MUC22: variants seen among roughly 807,000 people sequenced by gnomAD.
MUC22 encodes mucin-22.
MUC22 carries 24 observed loss-of-function variants against 40.3 expected under a neutral mutation model. The ratio of observed to expected loss-of-function variants is 0.60; its 90% CI spans 0.43 to 0.84. The LOEUF is 0.84. MUC22 is among the 40% of genes least tolerant of loss of function. The probability of loss-of-function intolerance (pLI) is 0.00; values close to 1 mark genes in which losing one functional copy is unlikely to be tolerated. For synonymous variants in MUC22, 765 were observed against 844.5 expected (o/e 0.91, Z 1.63); for missense variants, 1,926 against 2,130.7 (o/e 0.90, Z 1.89).
chr6:31,034,106 A>G (rs1766274293), intron 3 of MUC22, among the ~76,000 whole-genome samples: 1 of 152,238 alleles, frequency 6.6e-6, no homozygotes, highest in Non-Finnish European at 1.5e-5. Flanking sequence ...GCCATATTAT[A>G]TTCATCTTAC....
Position 31,032,277 on chromosome 6 carries a change from C to T in MUC22, c.4751C>T (p.Ala1584Val). Residue 1584 changes from alanine to valine, a missense_variant, in exon 3 of 4, where the codon GCC becomes GTC. Ala to Val is a moderately conservative substitution (Grantham distance 64). Transcript: ENST00000561890. This position sits in a 1 kb window ranked among gnomAD's most constrained non-coding sequence, Gnocchi z 4.1. Reference sequence around the variant, plus strand: ...GGAATGGACTTCACGGCCTCTGCTGCCAGCCATACTGTGCCAGGAATAGTC... The same window carrying T: ...GGAATGGACTTCACGGCCTCTGCTGTCAGCCATACTGTGCCAGGAATAGTC... The T allele has an allele frequency of 1.3e-6, 2 of 1,535,696 alleles. No individual in the cohort carries two copies. The highest frequency in any genetic ancestry group is 8.7e-7 in the Non-Finnish European group (1 of 1,146,908).
At chr6:31,015,542 C>T (rs1357453600) in intron 1 of MUC22, among the ~76,000 whole-genome samples, 1 of 151,786 alleles carries the variant, frequency 6.6e-6, no homozygotes, top group Non-Finnish European at 1.5e-5. Flanking sequence ...GTCCATAGAC[C>T]TTATACATCT....
At chr6:31,028,368 C>T (rs1765636361) in exon 2 of MUC22, 1 of 1,529,258 alleles carries the variant, frequency 6.5e-7, no homozygotes, top group South Asian at 1.2e-5. Flanking sequence ...CAGCCTCCAT[C>T]ACAGGCTCTG....
At chr6:31,017,295 T>A (rs1465139529) in intron 1 of MUC22, among the ~76,000 whole-genome samples, 1 of 152,236 alleles carries the variant, frequency 6.6e-6, no homozygotes, top group Non-Finnish European at 1.5e-5. Context: ...AACCTTTATG[T>A]CTAGCTAAGG....
exon 1 of MUC22, chr6:31,010,618 G>T: frequency 1.4e-6 from 1 of 691,210 alleles, no homozygotes; most frequent in South Asian, 1.5e-5. Context: ...GGCCCAGGGG[G>T]TTTGCCCCTT....
chr6:31,013,200 C>T lies in MUC22; in HGVS notation c.70+2424C>T, dbSNP rs538772925. ...AGAGTGCAGTGCTGCAATCTCGGCT[C>T]ACTGCAACCTCTGCCTCCCAGGTTC... On this transcript the variant is annotated intron_variant, in intron 1 of 3. Transcript: ENST00000561890. Among the ~76,000 whole-genome samples the T allele has an allele frequency of 1.9e-3, 283 of 149,674 alleles. 1 individual carries two copies. The highest frequency in any genetic ancestry group is 6.2e-3 in the African/African-American group (254 of 40,758).
rs371128329 is a variant in MUC22 at position 31,013,403 on chromosome 6, G to C, written c.70+2627G>C. Among the ~76,000 whole-genome samples the C allele has an allele frequency of 3.2e-4, 49 of 151,208 alleles. No homozygotes were observed. In the South Asian group the frequency reaches 7.2e-3, roughly 22 times the overall value. On this transcript the variant is annotated intron_variant, in intron 1 of 3. Transcript: ENST00000561890. ...TGGCCTCCCAAAGTGCTGGGATTAC[G>C]GGTGTGAGCTACCGGGCCTGGCCCC...
At chr6:31,030,220 A>G in intron 2 of MUC22, 120 bp downstream of exon 2, 2 of 1,213,668 alleles carry the variant, frequency 1.6e-6, no homozygotes, top group South Asian at 1.6e-5. Flanking sequence ...ACAGTTAGAT[A>G]TAATTTCCTC....
intron 1 of MUC22, among the ~76,000 whole-genome samples, chr6:31,022,163 C>T (rs1158120554): frequency 6.6e-6 from 1 of 152,080 alleles, no homozygotes; most frequent in Non-Finnish European, 1.5e-5. Flanking sequence ...AGACATGCCA[C>T]CTTAAGAGCT....
intron 1 of MUC22, among the ~76,000 whole-genome samples, chr6:31,025,107 G>C (rs111493243): frequency 1.7e-5 from 2 of 118,768 alleles, no homozygotes; most frequent in African/African-American, 6.6e-5. Flanking sequence ...GGCCTCAGGT[G>C]ATCCGCCTGG....
At chr6:31,012,772 T>C (rs2150743080) in intron 1 of MUC22, among the ~76,000 whole-genome samples, 1 of 152,250 alleles carries the variant, frequency 6.6e-6, no homozygotes, top group Non-Finnish European at 1.5e-5. Flanking sequence ...AACTCCTCCA[T>C]CTGAATGCTG....
At chr6:31,007,504 C>T (rs561577872), upstream of MUC22, among the ~76,000 whole-genome samples, 4 of 151,698 alleles carry the variant, frequency 2.6e-5, no homozygotes, top group Non-Finnish European at 4.4e-5. The surrounding 1 kb of genome is among the most constrained non-coding windows in gnomAD (Gnocchi z 4.0). Context: ...AATAACTCTA[C>T]TTGAATTGGG....
chr6:31,029,769 C>G, exon 2 of MUC22: 2 of 1,534,586 alleles, frequency 1.3e-6, no homozygotes, highest in Non-Finnish European at 1.7e-6. Flanking sequence ...CTGAGACCAC[C>G]ACAGCCTCCA....
At chr6:31,009,167 C>T (rs1267379422), upstream of MUC22, among the ~76,000 whole-genome samples, 1 of 152,162 alleles carries the variant, frequency 6.6e-6, no homozygotes, top group East Asian at 1.9e-4. Context: ...AAAATATATG[C>T]AGTAAAATGT....
intron 2 of MUC22, among the ~76,000 whole-genome samples, chr6:31,031,687 C>T (rs1243527935): frequency 6.6e-6 from 1 of 152,054 alleles, no homozygotes; most frequent in Non-Finnish European, 1.5e-5. Flanking sequence ...CCCCAAAGTC[C>T]CCAAAGTCCA....
At chr6:31,025,718 C>G in exon 2 of MUC22, 1 of 1,528,728 alleles carries the variant, frequency 6.5e-7, no homozygotes, top group Non-Finnish European at 8.8e-7. Context: ...ACCAACACGG[C>G]CTCCACCACA....
chr6:31,029,496 C>T, exon 2 of MUC22: 1 of 1,534,456 alleles, frequency 6.5e-7, no homozygotes, highest in Non-Finnish European at 8.7e-7. Flanking sequence ...GCTCTGAGAC[C>T]ACAACAGTCT....
At chr6:31,015,927 T>A (rs1764164435) in intron 1 of MUC22, among the ~76,000 whole-genome samples, 1 of 152,176 alleles carries the variant, frequency 6.6e-6, no homozygotes, top group East Asian at 1.9e-4. Flanking sequence ...AAAAATCTTA[T>A]AATTTGGATG....
intron 1 of MUC22, among the ~76,000 whole-genome samples, chr6:31,015,592 T>C (rs1423790843): frequency 6.6e-6 from 1 of 152,198 alleles, no homozygotes; most frequent in Non-Finnish European, 1.5e-5. Flanking sequence ...ACTCATAGTT[T>C]AGCTGGTTAT....
Sources: gnomAD v4.1 joint callset for allele counts (sites outside exome capture counted in the v4.1 genomes callset) on GRCh38, gnomAD v4.1.1 for gene constraint, Gnocchi (gnomAD v3.1) non-coding constraint, MANE v1.5 for transcripts, NCBI Gene and HGNC (gene_info 2026-07-23, HGNC 2026-07-21) for gene names.